Variants in STK32B observed in about 807,000 individuals in gnomAD.
The protein encoded by STK32B is serine/threonine-protein kinase 32B.
In STK32B, 43 loss-of-function variants were observed where a neutral mutation model predicts 52.6. The ratio of observed to expected loss-of-function variants is 0.82; its 90% CI spans 0.64 to 1.05. STK32B has a LOEUF of 1.05. Ranked by LOEUF, STK32B falls within the 50% of genes least tolerant of loss-of-function variation. STK32B has a pLI of 0.00. For missense variants in STK32B, 621 were observed against 534.6 expected (o/e 1.16, Z -1.59); for synonymous variants, 238 against 204.3 (o/e 1.17, Z -1.41).
chr4:5,289,584 A>G (rs1351418110), intron 3 of STK32B, among the ~76,000 whole-genome samples: 1 of 151,948 alleles, frequency 6.6e-6, no homozygotes, highest in Admixed American at 6.6e-5. Flanking sequence ...ACACCCAACA[A>G]AATGGCTCAC....
At chr4:5,326,864 T>C (rs1190703194) in intron 3 of STK32B, among the ~76,000 whole-genome samples, 1 of 152,186 alleles carries the variant, frequency 6.6e-6, no homozygotes, top group Non-Finnish European at 1.5e-5. Context: ...TATTTCTCTA[T>C]AGCAAGTGGT....
rs1735886439 is a variant in STK32B, at chr4:5,380,741, T to A, written c.435-17466T>A. On this transcript the variant is annotated intron_variant, in intron 4 of 11. Coordinates refer to ENST00000282908, the MANE Select transcript of STK32B (RefSeq NM_018401.3). This position sits in a 1 kb window ranked among gnomAD's most constrained non-coding sequence, Gnocchi z 4.3. ...AACAAAGGGCCCTGCATTTTCTTTTTGCACTGGACTCCACCCATTTTGTAG... is the reference window on the plus strand; with the variant it reads ...AACAAAGGGCCCTGCATTTTCTTTTAGCACTGGACTCCACCCATTTTGTAG... Among the ~76,000 whole-genome samples the A allele has an allele frequency of 6.6e-6, 1 of 152,216 alleles. No homozygotes were observed. Among genetic ancestry groups the A allele is most frequent in the Non-Finnish European group, 1.5e-5 (1 of 68,036 alleles).
chr4:5,290,323 A>T lies in STK32B; in HGVS notation c.261-40897A>T, dbSNP rs11938565. Among the ~76,000 whole-genome samples the T allele has an allele frequency of 8.9e-3, 1,359 of 152,326 alleles. 12 individuals are homozygous for T. The highest frequency in any genetic ancestry group is 0.027 in the African/African-American group (1,113 of 41,572). On this transcript the variant is annotated intron_variant, in intron 3 of 11. Transcript: ENST00000282908. ...TGACTCTTTTGTAATAACACAACGTAAAACACAAACATTTTACAGCTAAAC... is the reference window on the plus strand; with the variant it reads ...TGACTCTTTTGTAATAACACAACGTTAAACACAAACATTTTACAGCTAAAC...
intron 1 of STK32B, among the ~76,000 whole-genome samples, chr4:5,130,420 C>T (rs1715687872): frequency 1.3e-5 from 2 of 152,072 alleles, no homozygotes; most frequent in South Asian, 4.2e-4. Context: ...ATTTCATGCA[C>T]AATGCCATGC....
intron 6 of STK32B, among the ~76,000 whole-genome samples, chr4:5,440,715 C>T (rs1199414313): frequency 3.3e-5 from 5 of 152,136 alleles, no homozygotes; most frequent in South Asian, 2.1e-4. Flanking sequence ...AGTTTTTGCC[C>T]ATTCAGTATG....
At chr4:5,481,010 C>T (rs529295408) in intron 11 of STK32B, among the ~76,000 whole-genome samples, 8 of 152,208 alleles carry the variant, frequency 5.3e-5, no homozygotes, top group African/African-American at 9.6e-5. Flanking sequence ...GGTTCCAAGT[C>T]GTTGCTATTG....
At chr4:5,325,544 TTA>T (rs575448034) in intron 3 of STK32B, among the ~76,000 whole-genome samples, 19 of 152,312 alleles carry the variant, frequency 1.2e-4, no homozygotes, top group African/African-American at 4.3e-4. Flanking sequence ...TTTAATTCTA[TTA>T]TGTTATATAC....
intron 4 of STK32B, among the ~76,000 whole-genome samples, chr4:5,344,068 G>A (rs79982137): frequency 0.026 from 3,912 of 152,304 alleles, 149 homozygotes; most frequent in African/African-American, 0.087. Context: ...GCATCCATCA[G>A]TTTGGGGAAG....
the STK32B span, among the ~76,000 whole-genome samples, chr4:5,020,253 G>A: frequency 3.8e-4 from 58 of 152,314 alleles, no homozygotes; most frequent in African/African-American, 1.3e-3. Flanking sequence ...CTTAGACGCC[G>A]TGGGTGCAAA....
rs1423225081 is a variant in STK32B at position 5,399,844 on chromosome 4, T to C, written c.472+1600T>C. Among the ~76,000 whole-genome samples the C allele has an allele frequency of 6.6e-6, 1 of 152,170 alleles. No homozygotes were observed. Among genetic ancestry groups the C allele is most frequent in the Non-Finnish European group, 1.5e-5 (1 of 68,032 alleles). On this transcript the variant is annotated intron_variant, in intron 5 of 11. Coordinates refer to ENST00000282908, the MANE Select transcript of STK32B (RefSeq NM_018401.3). The surrounding 1 kb of genome is among the most constrained non-coding windows in gnomAD (Gnocchi z 5.4). ...TCGGGAAGGGGTAGATAACTCGCCC[T>C]CTTCCTGTCCCCTTTCTCTGCTCAG...
intron 1 of STK32B, among the ~76,000 whole-genome samples, chr4:5,139,078 C>T (rs567848917): frequency 7.6e-4 from 116 of 152,158 alleles, no homozygotes; most frequent in Admixed American, 2.6e-3. Context: ...CCATAGTGGT[C>T]CAGGAGACAG....
chr4:5,075,700 A>G (rs1712033563), intron 1 of STK32B, among the ~76,000 whole-genome samples: 1 of 152,158 alleles, frequency 6.6e-6, no homozygotes, highest in Non-Finnish European at 1.5e-5. Context: ...AATATTGTCA[A>G]TAATGGTCAT....
At chr4:5,456,031 A>AGAG (rs1274127314) in intron 7 of STK32B, among the ~76,000 whole-genome samples, 14 of 149,620 alleles carry the variant, frequency 9.4e-5, no homozygotes, top group Non-Finnish European at 1.6e-4. Context: ...AGGCTCTGGG[A>AGAG]GATAATGTTC....
chr4:5,416,758 C>A, intron 5 of STK32B, 87 bp from the exon 6 acceptor site: 2 of 1,051,516 alleles, frequency 1.9e-6, no homozygotes, highest in Non-Finnish European at 2.8e-6. Context: ...GTTTTCTTCA[C>A]GGTATCTCAC....
intron 3 of STK32B, among the ~76,000 whole-genome samples, chr4:5,243,316 A>G (rs1185107276): frequency 1.3e-5 from 2 of 152,098 alleles, no homozygotes; most frequent in African/African-American, 4.8e-5. Context: ...TTGGATTCCT[A>G]AGTATTTTAT....
At chr4:5,201,386 C>T (rs1199349273) in intron 3 of STK32B, among the ~76,000 whole-genome samples, 1 of 152,172 alleles carries the variant, frequency 6.6e-6, no homozygotes, top group Non-Finnish European at 1.5e-5. Flanking sequence ...AGGACTGCCA[C>T]AGTATAGGCA....
In STK32B at chr4:5,467,470, T is replaced by G. The variant is rs1222466506; in HGVS notation, c.1042-536T>G. Among the ~76,000 whole-genome samples, 1 of 152,156 alleles carries G rather than the reference T, an allele frequency of 6.6e-6. No individual in the cohort carries two copies. Among genetic ancestry groups the G allele is most frequent in the East Asian group, 1.9e-4 (1 of 5,160 alleles). On this transcript the variant is annotated intron_variant, in intron 10 of 11. Coordinates refer to ENST00000282908, the MANE Select transcript of STK32B (RefSeq NM_018401.3). This position sits in a 1 kb window ranked among gnomAD's most constrained non-coding sequence, Gnocchi z 5.8. ...TTCGCATGTCTTCATATGGCCTTCA[T>G]ATAAGGACCCCAGTCATTGGTCTTA...
At chr4:5,226,906 T>C (rs1723915906) in intron 3 of STK32B, among the ~76,000 whole-genome samples, 1 of 152,206 alleles carries the variant, frequency 6.6e-6, no homozygotes. Context: ...TACTGTAACA[T>C]AATGTTAACA....
intron 1 of STK32B, among the ~76,000 whole-genome samples, chr4:5,086,720 T>A (rs1381997076): frequency 6.6e-6 from 1 of 151,868 alleles, no homozygotes; most frequent in Non-Finnish European, 1.5e-5. Context: ...AAGTGACTCA[T>A]CAGGTGTAGT....
Sources: allele counts gnomAD v4.1 joint callset (sites outside exome capture counted in the v4.1 genomes callset), GRCh38; gene constraint gnomAD v4.1.1; non-coding constraint Gnocchi (gnomAD v3.1); transcripts MANE v1.5; gene names NCBI Gene and HGNC (gene_info 2026-07-23, HGNC 2026-07-21).